MAD1L1: variants seen among roughly 807,000 people sequenced by gnomAD.
The protein encoded by MAD1L1 is mitotic spindle assembly checkpoint protein MAD1.
Under a neutral mutation model 96.9 loss-of-function variants are expected in MAD1L1, and 95 were observed. The observed-to-expected ratio is 0.98, with a 90% CI of 0.83 to 1.16. The LOEUF (loss-of-function observed/expected upper bound fraction) is 1.16, where lower values mean the gene tolerates loss of function less well. MAD1L1 is among the 50% of genes most tolerant of loss of function. The pLI is 0.00. For synonymous variants in MAD1L1, 473 were observed against 396.6 expected (o/e 1.19, Z -2.29); for missense variants, 1,007 against 954.4 (o/e 1.06, Z -0.73).
intron 10 of MAD1L1, among the ~76,000 whole-genome samples, chr7:2,154,216 C>T (rs556681625): frequency 3.2e-4 from 49 of 152,252 alleles, no homozygotes; most frequent in African/African-American, 1.2e-3. Flanking sequence ...GGGAGGTGAC[C>T]GTGTCAGGTG....
intron 11 of MAD1L1, among the ~76,000 whole-genome samples, chr7:2,121,523 G>A (rs1406485889): frequency 6.6e-6 from 1 of 152,220 alleles, no homozygotes; most frequent in Non-Finnish European, 1.5e-5. Context: ...TGTCCCCATG[G>A]GTCAGGCTTC....
At chr7:2,086,294 G>A (rs542161216) in intron 11 of MAD1L1, among the ~76,000 whole-genome samples, 1 of 152,346 alleles carries the variant, frequency 6.6e-6, no homozygotes, top group Admixed American at 6.5e-5. Context: ...TCAGCACTGG[G>A]TAACGCATCA....
chr7:1,928,590 C>T (rs34976285), intron 17 of MAD1L1, among the ~76,000 whole-genome samples: 48,922 of 152,202 alleles, frequency 0.32, 8,096 homozygotes, highest in Middle Eastern at 0.42. Flanking sequence ...GCACTTCAGA[C>T]GCCAGCCCTT....
At chr7:2,229,310 C>G (rs1794076311) in intron 3 of MAD1L1, among the ~76,000 whole-genome samples, 1 of 152,180 alleles carries the variant, frequency 6.6e-6, no homozygotes, top group African/African-American at 2.4e-5. Context: ...CCACTCCCCA[C>G]CACTCCCTAC....
intron 12 of MAD1L1, among the ~76,000 whole-genome samples, chr7:2,041,103 C>T (rs923265660): frequency 2.6e-5 from 4 of 152,196 alleles, no homozygotes; most frequent in African/African-American, 9.7e-5. Flanking sequence ...AGCTACAGCA[C>T]CCCCAGAGTT....
At chr7:2,209,792 C>A (rs1241694390) in intron 10 of MAD1L1, among the ~76,000 whole-genome samples, 1 of 152,224 alleles carries the variant, frequency 6.6e-6, no homozygotes, top group Non-Finnish European at 1.5e-5. Flanking sequence ...AGCCACAGAG[C>A]CCTCTGCTTC....
At chr7:2,219,066 T>C (rs962837806) in intron 6 of MAD1L1, among the ~76,000 whole-genome samples, 13 of 151,834 alleles carry the variant, frequency 8.6e-5, no homozygotes, top group Non-Finnish European at 1.6e-4. Flanking sequence ...TCTCAAAAAA[T>C]AAAGTAAAAT....
At chr7:2,007,274 C>G (rs1015218497) in intron 13 of MAD1L1, among the ~76,000 whole-genome samples, 2 of 152,386 alleles carry the variant, frequency 1.3e-5, no homozygotes, top group Admixed American at 1.3e-4. Context: ...CCAAAGCCGA[C>G]AGTGCCACAG....
intron 15 of MAD1L1, among the ~76,000 whole-genome samples, chr7:1,961,118 GGAGA>G (rs200323410): frequency 6.6e-6 from 1 of 152,068 alleles, no homozygotes; most frequent in Non-Finnish European, 1.5e-5. Context: ...CTCCACACAG[GGAGA>G]GAGAGAGGCC....
chr7:2,195,863 G>C (rs1263524504), intron 10 of MAD1L1, among the ~76,000 whole-genome samples: 1 of 152,262 alleles, frequency 6.6e-6, no homozygotes, highest in African/African-American at 2.4e-5. Context: ...CCAAAGTTCG[G>C]CTGGGAGCCA....
chr7:2,013,608 A>C (rs1249210766), intron 13 of MAD1L1, among the ~76,000 whole-genome samples: 2 of 152,268 alleles, frequency 1.3e-5, no homozygotes, highest in Non-Finnish European at 2.9e-5. Flanking sequence ...GCAGAGCAGA[A>C]TGGTAAGGCA....
intron 18 of MAD1L1, among the ~76,000 whole-genome samples, chr7:1,887,530 T>C (rs1022780971): frequency 6.7e-6 from 1 of 149,650 alleles, no homozygotes; most frequent in Admixed American, 6.6e-5. Flanking sequence ...CGTGTGTGTC[T>C]GCATGTGGCT....
At chr7:1,990,138 C>T (rs1020740128) in intron 14 of MAD1L1, among the ~76,000 whole-genome samples, 1 of 152,246 alleles carries the variant, frequency 6.6e-6, no homozygotes, top group Admixed American at 6.5e-5. Context: ...CGCCAACTCA[C>T]GTGGCATCGC....
chr7:2,094,690 C>T (rs1422018303), intron 11 of MAD1L1, among the ~76,000 whole-genome samples: 2 of 151,684 alleles, frequency 1.3e-5, no homozygotes, highest in East Asian at 3.9e-4. Context: ...GGGACAGGAG[C>T]GTGGATGGCA....
At chr7:2,128,555 C>G (rs1788349923) in intron 11 of MAD1L1, among the ~76,000 whole-genome samples, 1 of 152,206 alleles carries the variant, frequency 6.6e-6, no homozygotes, top group Non-Finnish European at 1.5e-5. Context: ...AGTCCCTACA[C>G]CCAGAGGCCT....
intron 18 of MAD1L1, among the ~76,000 whole-genome samples, chr7:1,886,223 G>A (rs1408282178): frequency 6.6e-6 from 1 of 152,234 alleles, no homozygotes; most frequent in African/African-American, 2.4e-5. Context: ...TGTCCTCTGG[G>A]GGTAAGTACC....
intron 11 of MAD1L1, among the ~76,000 whole-genome samples, chr7:2,121,937 C>T (rs990809445): frequency 6.6e-6 from 1 of 152,096 alleles, no homozygotes; most frequent in South Asian, 2.1e-4. Context: ...CCGGCAAAGG[C>T]GCACAGAAGG....
intron 12 of MAD1L1, among the ~76,000 whole-genome samples, chr7:2,037,078 C>T (rs1448442674): frequency 9.2e-5 from 14 of 152,138 alleles, no homozygotes; most frequent in Admixed American, 2.6e-4. Flanking sequence ...AGCTTCCACG[C>T]GCCCACGAAG....
At chr7:2,195,215 A>C (rs960039207) in intron 10 of MAD1L1, among the ~76,000 whole-genome samples, 2 of 152,208 alleles carry the variant, frequency 1.3e-5, no homozygotes, top group African/African-American at 4.8e-5. Context: ...AAAACACCTA[A>C]ACTAAAAGAA....
Sources: allele counts gnomAD v4.1 joint callset (sites outside exome capture counted in the v4.1 genomes callset), GRCh38; gene constraint gnomAD v4.1.1; transcripts MANE v1.5; gene names NCBI Gene and HGNC (gene_info 2026-07-23, HGNC 2026-07-21).